The following SUSD6 variants were observed in gnomAD, a reference collection of about 807,000 sequenced individuals.
The protein encoded by SUSD6 is sushi domain-containing protein 6.
In SUSD6, 16 loss-of-function variants were observed where a neutral mutation model predicts 28.4. The ratio of observed to expected loss-of-function variants is 0.56; its 90% CI spans 0.38 to 0.86. SUSD6 has a LOEUF of 0.86. Ranked by LOEUF, SUSD6 falls within the 40% of genes least tolerant of loss-of-function variation. SUSD6 has a pLI of 0.00. For missense variants in SUSD6, 341 were observed against 384.2 expected (o/e 0.89, Z 0.94); for synonymous variants, 147 against 159.6 (o/e 0.92, Z 0.59).
At chr14:69,619,584 T>C (rs1265496036) in intron 1 of SUSD6, among the ~76,000 whole-genome samples, 1 of 146,188 alleles carries the variant, frequency 6.8e-6, no homozygotes, top group African/African-American at 2.6e-5. Flanking sequence ...ATAGTGAGAG[T>C]CCACATCTCT....
At chr14:69,697,764 G>A (rs1308887110) in intron 2 of SUSD6, among the ~76,000 whole-genome samples, 2 of 152,068 alleles carry the variant, frequency 1.3e-5, no homozygotes, top group Non-Finnish European at 2.9e-5. Context: ...CCTGGGTGCC[G>A]ATGAATGATC....
At chr14:69,673,007 T>G (rs1885856736) in intron 2 of SUSD6, among the ~76,000 whole-genome samples, 1 of 152,192 alleles carries the variant, frequency 6.6e-6, no homozygotes, top group Non-Finnish European at 1.5e-5. Context: ...GTCCTCACCT[T>G]TTGTACTCTC....
chr14:69,697,831 G>A (rs1262679402), intron 2 of SUSD6, among the ~76,000 whole-genome samples: 1 of 152,204 alleles, frequency 6.6e-6, no homozygotes, highest in Non-Finnish European at 1.5e-5. Context: ...AGCAGCTTGT[G>A]TCACATTTAA....
rs775064785 is a variant in SUSD6, at chr14:69,714,480, G to C, written c.*3501G>C. The C allele has an allele frequency of 6.6e-6, 1 of 152,226 alleles. No homozygotes were observed. The highest frequency in any genetic ancestry group is 2.4e-5 in the African/African-American group (1 of 41,440). The allele number at this position is 152,226 out of a possible 1,614,324, so 9.4% of individuals were successfully genotyped here. A position where few individuals can be genotyped will look rare whatever the true frequency, so the allele number is the denominator to read the frequency against. The stretch of plus-strand genomic sequence containing the variant: ...AGGCCTAGCAGGGAAGCAGCATGCA[G>C]GCTTCACAGCTTAATGCCAAGGACA... On this transcript the variant is annotated 3_prime_UTR_variant, in exon 6 of 6. Coordinates refer to ENST00000342745, the MANE Select transcript of SUSD6 (RefSeq NM_014734.4).
At chr14:69,692,300 T>C (rs914675841) in intron 2 of SUSD6, among the ~76,000 whole-genome samples, 2 of 152,230 alleles carry the variant, frequency 1.3e-5, no homozygotes, top group African/African-American at 4.8e-5. Flanking sequence ...TAGCAGCTTT[T>C]GTCCATATGT....
intron 1 of SUSD6, among the ~76,000 whole-genome samples, chr14:69,628,011 G>A (rs1885140182): frequency 6.6e-6 from 1 of 151,428 alleles, no homozygotes; most frequent in Non-Finnish European, 1.5e-5. Context: ...TTGACTCACT[G>A]CAGTCTTTGT....
At chr14:69,638,588 T>C (rs1458417464) in intron 1 of SUSD6, among the ~76,000 whole-genome samples, 2 of 152,160 alleles carry the variant, frequency 1.3e-5, no homozygotes, top group Admixed American at 6.5e-5. Flanking sequence ...CCCCAAACTT[T>C]AACATGCATA....
chr14:69,673,599 A>G (rs1055661566), intron 2 of SUSD6, among the ~76,000 whole-genome samples: 39 of 152,230 alleles, frequency 2.6e-4, no homozygotes, highest in African/African-American at 9.1e-4. Context: ...TGGCAGATGT[A>G]TCTCTTCTCC....
intron 1 of SUSD6, among the ~76,000 whole-genome samples, chr14:69,655,439 G>T (rs1353633902): frequency 6.6e-6 from 1 of 152,144 alleles, no homozygotes; most frequent in African/African-American, 2.4e-5. Context: ...TGATAAGTCA[G>T]AGTATATGTG....
In SUSD6 at chr14:69,714,331, C is replaced by G. The variant is rs1886514835; in HGVS notation, c.*3352C>G. Reference sequence around the variant, plus strand: ...TTTCCCTCCCAGTCCCAGCTGAGCCCTCAGACCACTTGCTTCCCACATAAC... The same window carrying G: ...TTTCCCTCCCAGTCCCAGCTGAGCCGTCAGACCACTTGCTTCCCACATAAC... On this transcript the variant is annotated 3_prime_UTR_variant, in exon 6 of 6. Transcript: ENST00000342745. 6.6e-6 allele frequency: 1 copy of G among 152,270 alleles called. No homozygotes were observed. The highest frequency in any genetic ancestry group is 2.4e-5 in the African/African-American group (1 of 41,440). 9.4% of individuals were successfully genotyped at this position (152,270 alleles called of 1,614,324 possible).
At chr14:69,679,322 C>T (rs1050052057) in intron 2 of SUSD6, among the ~76,000 whole-genome samples, 3 of 152,094 alleles carry the variant, frequency 2.0e-5, no homozygotes, top group Non-Finnish European at 4.4e-5. Flanking sequence ...TTTACAGAAG[C>T]TATATGGCAT....
At chr14:69,626,007 A>G (rs1885109260) in intron 1 of SUSD6, among the ~76,000 whole-genome samples, 2 of 151,722 alleles carry the variant, frequency 1.3e-5, no homozygotes, top group Admixed American at 6.6e-5. Flanking sequence ...TCCCAGAACA[A>G]TCTGCCTGTT....
intron 2 of SUSD6, among the ~76,000 whole-genome samples, chr14:69,698,061 C>T (rs183611742): frequency 1.8e-4 from 28 of 152,398 alleles, no homozygotes; most frequent in African/African-American, 6.7e-4. Context: ...GATGCGCTGG[C>T]TCACGCCTGT....
At chr14:69,698,125 C>T (rs921497338) in intron 2 of SUSD6, among the ~76,000 whole-genome samples, 1 of 152,210 alleles carries the variant, frequency 6.6e-6, no homozygotes, top group Admixed American at 6.5e-5. Flanking sequence ...GTCAGGAGTT[C>T]GAGACCAGCC....
In SUSD6 at chr14:69,618,483, CT is replaced by C. The variant is rs199643989; in HGVS notation, c.-81+6656del. On this transcript the variant is annotated intron_variant, in intron 1 of 5. Transcript: ENST00000342745. Reference sequence around the variant, plus strand: ...CCTGATCGTAGATCCCTACTAAAAGCTCTTGAAAGTGTGCATATGCAGGCTA... The same window carrying C: ...CCTGATCGTAGATCCCTACTAAAAGCCTTGAAAGTGTGCATATGCAGGCTA... 5.6e-4 allele frequency among the ~76,000 whole-genome samples: 86 copies of C among 152,340 alleles called. 2 individuals are homozygous for C. The East Asian group carries it at 0.015, about 27-fold the overall frequency.
chr14:69,629,628 G>A (rs1231227785), intron 1 of SUSD6, among the ~76,000 whole-genome samples: 5 of 152,200 alleles, frequency 3.3e-5, no homozygotes, highest in African/African-American at 7.2e-5. Context: ...GGGATGAGTC[G>A]GAGCTGGGAC....
At chr14:69,650,726 ATC>A (rs1885492059) in intron 1 of SUSD6, among the ~76,000 whole-genome samples, 1 of 151,822 alleles carries the variant, frequency 6.6e-6, no homozygotes, top group Non-Finnish European at 1.5e-5. Context: ...GGGCCCCTGT[ATC>A]TCTGCAGTGT....
intron 1 of SUSD6, among the ~76,000 whole-genome samples, chr14:69,635,769 C>G (rs1885257212): frequency 6.6e-6 from 1 of 152,248 alleles, no homozygotes; most frequent in Non-Finnish European, 1.5e-5. Context: ...AAATCTTTTT[C>G]TGGCAGGCCA....
intron 2 of SUSD6, among the ~76,000 whole-genome samples, chr14:69,692,959 A>T (rs143173062): frequency 1.0e-3 from 157 of 152,296 alleles, no homozygotes; most frequent in African/African-American, 3.7e-3. Flanking sequence ...GGTGAAGGAG[A>T]TGAGAACAAG....
Sources: gnomAD v4.1 joint callset for allele counts (sites outside exome capture counted in the v4.1 genomes callset) on GRCh38, gnomAD v4.1.1 for gene constraint, MANE v1.5 for transcripts, NCBI Gene and HGNC (gene_info 2026-07-23, HGNC 2026-07-21) for gene names.